The following MID2 variants were observed in gnomAD, a reference collection of about 807,000 sequenced individuals.
MID2 encodes midline 2, also known as probable E3 ubiquitin-protein ligase MID2.
In MID2, 13 loss-of-function variants were observed where a neutral mutation model predicts 46.1. The ratio of observed to expected loss-of-function variants is 0.28; its 90% CI spans 0.18 to 0.45. MID2 has a LOEUF of 0.45. Ranked by LOEUF, MID2 falls within the 20% of genes least tolerant of loss-of-function variation. The probability of loss-of-function intolerance (pLI) is 1.00; values close to 1 mark genes in which losing one functional copy is unlikely to be tolerated. For missense variants in MID2, 431 were observed against 575.4 expected (o/e 0.75, Z 2.57); for synonymous variants, 199 against 212.3 (o/e 0.94, Z 0.55).
At chrX:107,889,738 G>T (rs147420346) in intron 3 of MID2, among the ~76,000 whole-genome samples, 6 of 111,701 alleles carry the variant, frequency 5.4e-5, no homozygotes, top group African/African-American at 2.0e-4. Context: ...CATTCTCCCC[G>T]TCACTTTCAG....
intron 5 of MID2, among the ~76,000 whole-genome samples, chrX:107,915,786 G>C (rs1390173135): frequency 9.0e-6 from 1 of 111,284 alleles, no homozygotes. Flanking sequence ...TGTTTGAGGG[G>C]TGAACATATG....
intron 2 of MID2, among the ~76,000 whole-genome samples, chrX:107,853,580 G>A (rs761286035): frequency 7.2e-5 from 8 of 111,513 alleles, no homozygotes; most frequent in African/African-American, 2.6e-4. Flanking sequence ...GATTACAGGC[G>A]TGAACCACCG....
intron 2 of MID2, among the ~76,000 whole-genome samples, chrX:107,853,599 T>C (rs1158522601): frequency 1.8e-5 from 2 of 111,630 alleles, no homozygotes; most frequent in Non-Finnish European, 1.9e-5. Flanking sequence ...CGTGCCTGGC[T>C]GATGTCCTCT....
At chrX:107,830,803 G>T (rs982225424) in intron 1 of MID2, among the ~76,000 whole-genome samples, 4 of 111,602 alleles carry the variant, frequency 3.6e-5, no homozygotes, top group Non-Finnish European at 7.5e-5. Flanking sequence ...TGTACAGATA[G>T]CTAATCTACT....
intron 2 of MID2, among the ~76,000 whole-genome samples, chrX:107,844,955 T>A (rs375213592): frequency 8.9e-6 from 1 of 112,120 alleles, no homozygotes; most frequent in South Asian, 3.7e-4. Flanking sequence ...CATAGTATTT[T>A]CTCAAGAAAT....
rs370437496 is a variant in MID2, at chrX:107,841,012, C to T, written c.347C>T (p.Ser116Phe). 8.3e-7 allele frequency: 1 copy of T among 1,209,430 alleles called. No individual in the cohort carries two copies. The highest frequency in any genetic ancestry group is 1.1e-6 in the Non-Finnish European group (1 of 895,006). ...FQKASVSGPN[S>F]PSESRRERTY... The stretch of plus-strand genomic sequence containing the variant: ...AAGGCTTCAGTCAGTGGGCCCAATT[C>T]CCCTAGTGAGAGCCGCCGGGAAAGG... The change falls in exon 2 of 10, where the codon TCC becomes TTC. Residue 116 changes from serine to phenylalanine, a missense_variant. Physicochemically the swap from Ser to Phe is radical, Grantham distance 155. Transcript: ENST00000262843.
At chrX:107,864,462 G>A (rs1186615526) in intron 3 of MID2, among the ~76,000 whole-genome samples, 2 of 110,987 alleles carry the variant, frequency 1.8e-5, no homozygotes, top group Non-Finnish European at 1.9e-5. Flanking sequence ...AAATAGTGTG[G>A]GCAGCTCCAG....
intron 3 of MID2, among the ~76,000 whole-genome samples, chrX:107,876,172 A>T (rs1479187102): frequency 9.1e-6 from 1 of 109,670 alleles, no homozygotes; most frequent in Non-Finnish European, 1.9e-5. Flanking sequence ...GTGGGCTTTC[A>T]TGGTGGCCAT....
chrX:107,842,974 GC>G (rs1476400767), intron 2 of MID2, among the ~76,000 whole-genome samples: 2 of 112,087 alleles, frequency 1.8e-5, no homozygotes, highest in Non-Finnish European at 3.8e-5. Context: ...GTAGCCGGCT[GC>G]CACTTTGTTT....
chrX:107,873,263 C>T (rs1189357491), intron 3 of MID2, among the ~76,000 whole-genome samples: 3 of 112,275 alleles, frequency 2.7e-5, no homozygotes, highest in Non-Finnish European at 5.6e-5. Flanking sequence ...TACTGGATGC[C>T]TCTTGCCTTT....
chrX:107,874,293 C>T (rs986127884), intron 3 of MID2, among the ~76,000 whole-genome samples: 14 of 111,568 alleles, frequency 1.3e-4, no homozygotes, highest in Non-Finnish European at 2.1e-4. Flanking sequence ...ACTTGATACA[C>T]GAGGAGGCAG....
chrX:107,911,117 G>A (rs761570847), intron 5 of MID2, among the ~76,000 whole-genome samples: 29 of 109,549 alleles, frequency 2.6e-4, no homozygotes, highest in African/African-American at 9.3e-4. Context: ...GCCTCCCAAA[G>A]TGCTGAGATT....
chrX:107,927,191 T>A lies in MID2; in HGVS notation c.*118T>A, dbSNP rs778581004. On this transcript the variant is annotated 3_prime_UTR_variant, in exon 10 of 10. Coordinates refer to ENST00000262843, the MANE Select transcript of MID2 (RefSeq NM_012216.4). ...TAAAGTTTGTTTGAAGCATCCAAAA[T>A]AACTAGATATTGCAGATTTAATTTT... 48 of 577,210 alleles carry A rather than the reference T, an allele frequency of 8.3e-5. No homozygotes were observed. The Admixed American group carries it at 2.0e-3, about 23-fold the overall frequency. 47.6% of individuals were successfully genotyped at this position (577,210 alleles called of 1,213,427 possible).
chrX:107,902,715 T>C (rs904103019), intron 3 of MID2, among the ~76,000 whole-genome samples: 1 of 111,341 alleles, frequency 9.0e-6, no homozygotes, highest in Non-Finnish European at 1.9e-5. Context: ...TTGGAGAATA[T>C]GGAGCAACCC....
intron 8 of MID2, among the ~76,000 whole-genome samples, chrX:107,925,390 A>G: frequency 8.9e-6 from 1 of 112,097 alleles, no homozygotes; most frequent in East Asian, 2.8e-4. Flanking sequence ...ACACCCAGCA[A>G]CTGGTCCCTC....
At chrX:107,855,146 C>T (rs757695473) in intron 3 of MID2, among the ~76,000 whole-genome samples, 14 of 111,177 alleles carry the variant, frequency 1.3e-4, no homozygotes, top group East Asian at 2.8e-4. Context: ...TCTCCTCTTT[C>T]GAGCCTCTCC....
At position 107,845,525 on chromosome X, in the gene MID2, A is replaced by ACACACACTCTCTCTCTCTCT. The variant is rs1276957001; in HGVS notation, c.720+4141_720+4142insACACACTCTCTCTCTCTCTC. 2.8e-3 allele frequency among the ~76,000 whole-genome samples: 204 copies of ACACACACTCTCTCTCTCTCT among 72,927 alleles called. 4 individuals carry two copies. Among genetic ancestry groups the ACACACACTCTCTCTCTCTCT allele is most frequent in the African/African-American group, 0.014 (184 of 13,199 alleles). The allele number at this position is 72,927 out of a possible 115,157, so 63.3% of individuals were successfully genotyped here. On this transcript the variant is annotated intron_variant, in intron 2 of 9. Coordinates refer to ENST00000262843, the MANE Select transcript of MID2 (RefSeq NM_012216.4). ...CACACACACACACACACACACACAC[A>ACACACACTCTCTCTCTCTCT]CTCTCTCTCTCTCTCTCTCTCTCTC...
chrX:107,913,439 G>A (rs1249330817), intron 5 of MID2, among the ~76,000 whole-genome samples: 1 of 111,849 alleles, frequency 8.9e-6, no homozygotes, highest in African/African-American at 3.2e-5. Context: ...GAACTGTGGT[G>A]TCAAAGAAGA....
intron 1 of MID2, among the ~76,000 whole-genome samples, chrX:107,828,280 CTCTTT>C (rs376051001): frequency 0.025 from 2,682 of 105,721 alleles, 145 homozygotes; most frequent in African/African-American, 0.092. Context: ...CCAATTAAAC[CTCTTT>C]TCTTTTCTTT....
Sources: gnomAD v4.1 joint callset for allele counts (sites outside exome capture counted in the v4.1 genomes callset) on GRCh38, gnomAD v4.1.1 for gene constraint, MANE v1.5 for transcripts, NCBI Gene and HGNC (gene_info 2026-07-23, HGNC 2026-07-21) for gene names.